Variants in KCNMA1 observed in about 807,000 individuals in gnomAD.
The protein encoded by KCNMA1 is potassium calcium-activated channel subfamily M alpha 1, also known as Calcium-activated potassium channel subunit alpha-1.
In KCNMA1, 29 loss-of-function variants were observed where a neutral mutation model predicts 140.0. The observed-to-expected ratio is 0.21, with a 90% confidence interval of 0.15 to 0.28. The LOEUF is 0.28. Ranked by LOEUF, KCNMA1 falls within the 10% of genes least tolerant of loss-of-function variation. KCNMA1 has a pLI of 1.00. For missense variants in KCNMA1, 880 were observed against 1,602.2 expected, an observed-to-expected ratio of 0.55 and a Z score of 7.70; for synonymous variants, 612 against 611.9, an observed-to-expected ratio of 1.00 and a Z score of 0.00.
At chr10:77,254,186 C>T (rs1336366072) in intron 2 of KCNMA1, among the ~76,000 whole-genome samples, 1 of 151,102 alleles carries the variant, frequency 6.6e-6, no homozygotes, top group Non-Finnish European at 1.5e-5. Context: ...CCAAGAAAAA[C>T]AGAAGATGGG....
intron 5 of KCNMA1, 111 bp from the exon 6 acceptor site, chr10:77,121,159 G>T: frequency 1.4e-6 from 1 of 740,556 alleles, no homozygotes; most frequent in Non-Finnish European, 2.4e-6. Context: ...GGAAGTTCTT[G>T]CAGAAGATAA....
At position 77,079,508 on chromosome 10, in the gene KCNMA1, G is replaced by A. The variant is rs1241113413; in HGVS notation, c.1566C>T (p.Ile522=). The A allele has an allele frequency of 6.2e-7, 1 of 1,612,884 alleles. No individual in the cohort carries two copies. Among genetic ancestry groups the A allele is most frequent in the Admixed American group, 1.7e-5 (1 of 59,998 alleles). The change falls in exon 13 of 28, where the codon ATC becomes ATT. Residue 522 remains isoleucine (I), a synonymous_variant. Transcript: ENST00000286628. ...IKNYHPKIRI[I]TQMLQYHNKA... ...TGTTGTGATACTGCAGCATTTGAGT[G>A]ATGATTCTTATCTTCGGATGGTAGT...
chr10:77,109,041 A>G (rs1196812123), intron 8 of KCNMA1, among the ~76,000 whole-genome samples: 2 of 149,026 alleles, frequency 1.3e-5, no homozygotes, highest in Non-Finnish European at 3.0e-5. Flanking sequence ...AAAAGATTAA[A>G]AACTACATTT....
intron 1 of KCNMA1, among the ~76,000 whole-genome samples, chr10:77,564,274 A>T (rs1169940191): frequency 6.6e-6 from 1 of 152,184 alleles, no homozygotes; most frequent in Non-Finnish European, 1.5e-5. Context: ...CACCACGCTG[A>T]TCAAAGGTGA....
chr10:77,243,555 A>C (rs1379091002), intron 3 of KCNMA1, among the ~76,000 whole-genome samples: 1 of 152,222 alleles, frequency 6.6e-6, no homozygotes, highest in Non-Finnish European at 1.5e-5. Context: ...ATTCTTTTTA[A>C]GTTTTGGAGA....
At chr10:77,258,846 C>G (rs1442029727) in intron 2 of KCNMA1, among the ~76,000 whole-genome samples, 1 of 151,936 alleles carries the variant, frequency 6.6e-6, no homozygotes. Flanking sequence ...ACCTGTAATC[C>G]CAGCTACTCA....
At chr10:77,034,573 C>T (rs1453198598) in intron 15 of KCNMA1, among the ~76,000 whole-genome samples, 7 of 152,178 alleles carry the variant, frequency 4.6e-5, no homozygotes, top group Non-Finnish European at 7.3e-5. Flanking sequence ...AGGAGGGGAG[C>T]ACTGAATGCA....
intron 2 of KCNMA1, among the ~76,000 whole-genome samples, chr10:77,322,434 A>G (rs546991254): frequency 3.9e-4 from 59 of 152,354 alleles, no homozygotes; most frequent in Middle Eastern, 3.4e-3. Flanking sequence ...AAGAGGATAC[A>G]GAACACTGAG....
At chr10:77,448,021 G>A (rs1200289321) in intron 1 of KCNMA1, among the ~76,000 whole-genome samples, 2 of 152,212 alleles carry the variant, frequency 1.3e-5, no homozygotes, top group Non-Finnish European at 2.9e-5. Flanking sequence ...GTTCCAAGGG[G>A]ATGTTCAGTG....
chr10:77,411,418 C>T (rs963553075), intron 1 of KCNMA1, among the ~76,000 whole-genome samples: 1 of 152,090 alleles, frequency 6.6e-6, no homozygotes, highest in African/African-American at 2.4e-5. Context: ...ATTATACTAT[C>T]GACTACTGTT....
chr10:77,587,507 G>A (rs1255587677), intron 1 of KCNMA1, among the ~76,000 whole-genome samples: 2 of 152,156 alleles, frequency 1.3e-5, no homozygotes, highest in Non-Finnish European at 1.5e-5. Flanking sequence ...CCAAGAGGGA[G>A]GGAACAGGAG....
intron 1 of KCNMA1, among the ~76,000 whole-genome samples, chr10:77,626,586 A>T (rs1054132709): frequency 6.6e-6 from 1 of 152,106 alleles, no homozygotes; most frequent in Admixed American, 6.5e-5. Flanking sequence ...CAGAGCCACA[A>T]AGGGTCCACT....
chr10:77,575,591 G>A (rs2073777940), intron 1 of KCNMA1, among the ~76,000 whole-genome samples: 1 of 152,208 alleles, frequency 6.6e-6, no homozygotes, highest in East Asian at 1.9e-4. Context: ...GCAAACAGAG[G>A]TTAGTCTACC....
At chr10:77,532,131 C>T (rs548264349) in intron 1 of KCNMA1, among the ~76,000 whole-genome samples, 7 of 152,306 alleles carry the variant, frequency 4.6e-5, no homozygotes, top group African/African-American at 7.2e-5. Flanking sequence ...TAATCTCCTA[C>T]GAGAAGCAGC....
At chr10:76,949,003 G>C in intron 22 of KCNMA1, 139 bp downstream of exon 22, 1 of 814,712 alleles carries the variant, frequency 1.2e-6, no homozygotes, top group East Asian at 2.4e-5. Context: ...CAGAGCATAG[G>C]GGAAGTGCTG....
chr10:77,268,321 C>A (rs1186236941), intron 2 of KCNMA1, among the ~76,000 whole-genome samples: 1 of 152,176 alleles, frequency 6.6e-6, no homozygotes, highest in East Asian at 1.9e-4. Context: ...CACACAGGCA[C>A]ACACACACTA....
intron 16 of KCNMA1, among the ~76,000 whole-genome samples, chr10:77,025,931 C>A (rs371941976): frequency 1.3e-5 from 2 of 148,970 alleles, no homozygotes; most frequent in South Asian, 4.2e-4. Flanking sequence ...TTAAAGCTGG[C>A]AACTGCACAA....
At chr10:77,579,546 T>G (rs558490900) in intron 1 of KCNMA1, among the ~76,000 whole-genome samples, 2 of 152,336 alleles carry the variant, frequency 1.3e-5, no homozygotes, top group South Asian at 4.1e-4. Flanking sequence ...GTCTATTGTT[T>G]TTTTCAACCA....
At chr10:77,094,989 C>T (rs1018179667) in intron 9 of KCNMA1, among the ~76,000 whole-genome samples, 7 of 152,132 alleles carry the variant, frequency 4.6e-5, no homozygotes, top group Admixed American at 6.5e-5. Context: ...CATGAGCCAC[C>T]GCGCCCTACC....
Sources: allele counts gnomAD v4.1 joint callset (sites outside exome capture counted in the v4.1 genomes callset), GRCh38; gene constraint gnomAD v4.1.1; transcripts MANE v1.5; gene names NCBI Gene and HGNC (gene_info 2026-07-23, HGNC 2026-07-21).